Variants in OSBPL10 observed in about 807,000 individuals in gnomAD.
OSBPL10 encodes the protein oxysterol binding protein like 10.
A neutral mutation model predicts 81.7 loss-of-function variants in OSBPL10; 49 were observed. The ratio of observed to expected loss-of-function variants is 0.60; its 90% confidence interval spans 0.48 to 0.76. The LOEUF (loss-of-function observed/expected upper bound fraction) is 0.76, where lower values mean the gene tolerates loss of function less well. Among genes scored for constraint, OSBPL10 ranks in the 30% least tolerant of loss-of-function variants. The pLI, the probability that OSBPL10 is intolerant of heterozygous loss-of-function variation, is 0.00. For missense variants in OSBPL10, 923 were observed against 987.8 expected (o/e 0.93, Z 0.88); for synonymous variants, 419 against 383.6 (o/e 1.09, Z -1.08).
Position 31,684,084 on chromosome 3 carries a change from G to A in OSBPL10, c.1276C>T (p.Arg426Ter), listed in dbSNP as rs770605945. Residue 426 changes from arginine (R) to a stop codon, truncating the protein, a stop_gained, in exon 8 of 12, where the codon CGA becomes TGA. Transcript: ENST00000396556. LOFTEE classifies it high-confidence loss of function. ...VVLPTFILEK[R>*]SLLEMYADFM... ...TCTGCATACATCTCCAGCAAAGATC[G>A]CTTCTCCAGGATAAAGGTGGGAAGC... 2 of 1,613,920 alleles carry A rather than the reference G, an allele frequency of 1.2e-6. No homozygotes were observed. The highest frequency in any genetic ancestry group is 1.7e-5 in the Admixed American group (1 of 59,998).
At chr3:31,833,531 T>C (rs905526604) in intron 3 of OSBPL10, among the ~76,000 whole-genome samples, 5 of 152,220 alleles carry the variant, frequency 3.3e-5, no homozygotes, top group Admixed American at 1.3e-4. Context: ...GAAAACCTTA[T>C]GGATTTTTAA....
intron 1 of OSBPL10, among the ~76,000 whole-genome samples, chr3:32,052,096 A>G (rs1332915609): frequency 6.6e-6 from 1 of 151,872 alleles, no homozygotes; most frequent in Non-Finnish European, 1.5e-5. Context: ...AAATACAAAA[A>G]ATTAGCTGGG....
At chr3:31,896,551 A>C (rs989648661) in intron 1 of OSBPL10, among the ~76,000 whole-genome samples, 55 of 152,330 alleles carry the variant, frequency 3.6e-4, no homozygotes, top group African/African-American at 1.2e-3. Flanking sequence ...GCAGAGCAGA[A>C]GTGGTTCCCG....
At chr3:31,676,724 G>A (rs1380326607) in intron 8 of OSBPL10, among the ~76,000 whole-genome samples, 1 of 152,218 alleles carries the variant, frequency 6.6e-6, no homozygotes, top group Non-Finnish European at 1.5e-5. Context: ...ACTCAATTAA[G>A]AGCCTGCACC....
At chr3:31,671,041 A>G in intron 8 of OSBPL10, 58 bp from the exon 9 acceptor site, 1 of 1,457,706 alleles carries the variant, frequency 6.9e-7, no homozygotes. Context: ...GGCACTGGGG[A>G]TCAGAAGAAA....
intron 1 of OSBPL10, among the ~76,000 whole-genome samples, chr3:32,060,771 C>A (rs7623139): frequency 0.61 from 53,964 of 88,564 alleles, 23,251 homozygotes; most frequent in East Asian, 0.84. Context: ...CCCTGACCAA[C>A]GTGGAGAAAC....
At position 31,876,143 on chromosome 3, in the gene OSBPL10, A is replaced by G. The variant is rs540389164; in HGVS notation, c.537+290T>C. On this transcript the variant is annotated intron_variant, in intron 3 of 11. Coordinates refer to ENST00000396556, the MANE Select transcript of OSBPL10 (RefSeq NM_017784.5). ...TCTCCACAATGAAATCATCCACTAG[A>G]GCTTCTCAATAGACCAATTAACAGC... is the stretch of plus-strand genomic sequence containing the variant. Among the ~76,000 whole-genome samples the G allele has an allele frequency of 6.6e-5, 10 of 152,190 alleles. No homozygotes were observed. In the South Asian group the frequency reaches 1.9e-3, roughly 28 times the overall value.
In OSBPL10 at chr3:31,930,839, C is replaced by T. The variant is rs1697220316; in HGVS notation, c.281+50060G>A. Among the ~76,000 whole-genome samples the T allele has an allele frequency of 2.0e-5, 3 of 151,326 alleles. No homozygotes were observed. The South Asian group carries it at 6.3e-4, about 32-fold the overall frequency. On this transcript the variant is annotated intron_variant, in intron 1 of 11. Transcript: ENST00000396556. ...ACCATCCTGGCTAACATGGTGAAACCCCGCCTCTACTAAAAATACAAAAAA... is the reference window on the plus strand; with the variant it reads ...ACCATCCTGGCTAACATGGTGAAACTCCGCCTCTACTAAAAATACAAAAAA...
intron 6 of OSBPL10, among the ~76,000 whole-genome samples, chr3:31,720,229 T>C (rs1382405570): frequency 6.6e-6 from 1 of 152,066 alleles, no homozygotes; most frequent in East Asian, 1.9e-4. Flanking sequence ...TATGCTGTTT[T>C]ACAATAATTT....
intron 1 of OSBPL10, among the ~76,000 whole-genome samples, chr3:31,960,922 T>C (rs1353915222): frequency 6.6e-6 from 1 of 151,994 alleles, no homozygotes; most frequent in East Asian, 1.9e-4. Flanking sequence ...AAACCTGACC[T>C]ACAAAGGGTT....
chr3:31,971,968 C>T (rs879380966), intron 1 of OSBPL10, among the ~76,000 whole-genome samples: 11 of 152,136 alleles, frequency 7.2e-5, no homozygotes, highest in Non-Finnish European at 1.6e-4. Context: ...TCTCACATGG[C>T]ATTTGACATA....
intron 1 of OSBPL10, among the ~76,000 whole-genome samples, chr3:31,974,067 T>C (rs1419605666): frequency 1.3e-5 from 2 of 152,052 alleles, no homozygotes; most frequent in Non-Finnish European, 2.9e-5. Flanking sequence ...ACCCAGAATA[T>C]ATAAACATCT....
intron 11 of OSBPL10, chr3:31,663,672 C>A: frequency 9.3e-7 from 1 of 1,078,522 alleles, no homozygotes; most frequent in Non-Finnish European, 1.1e-6. Context: ...GGGCTCCAGC[C>A]CACCCAGGTG....
chr3:31,978,417 T>C (rs957584518), intron 1 of OSBPL10, among the ~76,000 whole-genome samples: 3 of 152,222 alleles, frequency 2.0e-5, no homozygotes, highest in Admixed American at 1.3e-4. Context: ...TGTGAATAGA[T>C]AATTGAACAA....
chr3:31,945,281 C>T (rs1697667077), intron 1 of OSBPL10, among the ~76,000 whole-genome samples: 1 of 152,024 alleles, frequency 6.6e-6, no homozygotes, highest in Non-Finnish European at 1.5e-5. Context: ...ATTCCTGCCA[C>T]TAGGACTCTG....
intron 4 of OSBPL10, among the ~76,000 whole-genome samples, chr3:31,826,867 G>A (rs1219213666): frequency 1.3e-5 from 2 of 152,168 alleles, no homozygotes; most frequent in South Asian, 2.1e-4. Flanking sequence ...TGGACATGGT[G>A]TCTGAAGACT....
At chr3:31,780,808 C>T (rs1307038855) in intron 4 of OSBPL10, among the ~76,000 whole-genome samples, 1 of 151,942 alleles carries the variant, frequency 6.6e-6, no homozygotes, top group Non-Finnish European at 1.5e-5. Context: ...GAGATTGAAA[C>T]AGTAACTTAA....
Position 32,015,706 on chromosome 3 carries a change from C to T in OSBPL10, n.298+30785G>A, listed in dbSNP as rs1699306987. Among the ~76,000 whole-genome samples, 3 of 152,298 alleles carry T rather than the reference C, an allele frequency of 2.0e-5. No homozygotes were observed. The South Asian group carries it at 6.2e-4, about 32-fold the overall frequency. ...AAATGTTTGCAATCTACTCATCTTACAAAGGGCTAATATCCAGAACCTACA... is the reference window on the plus strand; with the variant it reads ...AAATGTTTGCAATCTACTCATCTTATAAAGGGCTAATATCCAGAACCTACA... On this transcript the variant is annotated intron_variant and non_coding_transcript_variant, in intron 2 of 3. Transcript: ENST00000479173.
chr3:31,838,479 C>G (rs1174436898), intron 3 of OSBPL10, among the ~76,000 whole-genome samples: 1 of 142,604 alleles, frequency 7.0e-6, no homozygotes, highest in African/African-American at 2.6e-5. Flanking sequence ...AGACGGCACT[C>G]CAGCCTGGGC....
Sources: allele counts gnomAD v4.1 joint callset (sites outside exome capture counted in the v4.1 genomes callset), GRCh38; gene constraint gnomAD v4.1.1; transcripts MANE v1.5; gene names NCBI Gene and HGNC (gene_info 2026-07-23, HGNC 2026-07-21).